XRCC5: variants seen among roughly 807,000 people sequenced by gnomAD.
XRCC5 encodes the protein DNA repair protein Ku80.
Under a neutral mutation model 95.7 loss-of-function variants are expected in XRCC5, and 12 were observed. The observed-to-expected ratio is 0.13, with a 90% CI of 0.08 to 0.20. XRCC5 has a LOEUF of 0.20. Ranked by LOEUF, XRCC5 falls within the 10% of genes least tolerant of loss-of-function variation. The probability of loss-of-function intolerance (pLI) is 1.00; values close to 1 mark genes in which losing one functional copy is unlikely to be tolerated. For missense variants in XRCC5, 595 were observed against 873.9 expected (o/e 0.68, Z 4.02); for synonymous variants, 281 against 290.3 (o/e 0.97, Z 0.33).
intron 14 of XRCC5, chr2:216,156,388 T>G: frequency 1.2e-6 from 1 of 803,334 alleles, no homozygotes; most frequent in Non-Finnish European, 2.2e-6. Context: ...CCCTTCAATT[T>G]AAGTGCTTGG....
chr2:216,127,738 G>A (rs1270754414), intron 8 of XRCC5, 64 bp downstream of exon 8: 3 of 1,482,474 alleles, frequency 2.0e-6, no homozygotes, highest in Admixed American at 2.3e-5. Flanking sequence ...TGTGATGCAG[G>A]CTGGGGTTTG....
Position 216,143,858 on chromosome 2 carries a change from C to A in XRCC5, c.1476+2539C>A, listed in dbSNP as rs145668989. Reference sequence around the variant, plus strand: ...AGTAGCTGGGACTACAGATGCCCGCCACCACGCCCGGCTAATTTTTTTTTT... The same window carrying A: ...AGTAGCTGGGACTACAGATGCCCGCAACCACGCCCGGCTAATTTTTTTTTT... On this transcript the variant is annotated intron_variant, in intron 13 of 20. Transcript: ENST00000392132. Among the ~76,000 whole-genome samples the A allele has an allele frequency of 7.5e-3, 1,113 of 149,166 alleles. 16 individuals carry two copies. The highest frequency in any genetic ancestry group is 0.026 in the African/African-American group (1,032 of 40,406).
chr2:216,121,521 A>G (rs1441631875), intron 5 of XRCC5, among the ~76,000 whole-genome samples: 2 of 152,176 alleles, frequency 1.3e-5, no homozygotes, highest in Non-Finnish European at 2.9e-5. Context: ...GAAGGACATA[A>G]AAGGCAAAAA....
chr2:216,165,451 C>T (rs1194956068), intron 16 of XRCC5, among the ~76,000 whole-genome samples: 2 of 152,208 alleles, frequency 1.3e-5, no homozygotes, highest in Non-Finnish European at 2.9e-5. Flanking sequence ...AACTAGTTCT[C>T]GTGATTTTAA....
chr2:216,120,494 G>A (rs1696783814), intron 5 of XRCC5, among the ~76,000 whole-genome samples: 1 of 152,126 alleles, frequency 6.6e-6, no homozygotes, highest in Admixed American at 6.5e-5. Flanking sequence ...ACTGTTTGGT[G>A]TATTCCATGT....
chr2:216,140,022 T>C (rs893532857), intron 12 of XRCC5, among the ~76,000 whole-genome samples: 6 of 152,244 alleles, frequency 3.9e-5, no homozygotes, highest in African/African-American at 1.2e-4. Context: ...TCTGGCCTCC[T>C]GCTACCTTGT....
chr2:216,139,808 C>T (rs923919467), intron 12 of XRCC5, among the ~76,000 whole-genome samples: 1 of 152,122 alleles, frequency 6.6e-6, no homozygotes, highest in African/African-American at 2.4e-5. Flanking sequence ...ACGTCCAGCC[C>T]AGAATATTTT....
chr2:216,193,069 C>T (rs1375000855), intron 18 of XRCC5, among the ~76,000 whole-genome samples: 1 of 152,198 alleles, frequency 6.6e-6, no homozygotes, highest in Non-Finnish European at 1.5e-5. Context: ...TTCTCAGATC[C>T]TTAGGCCATT....
intron 16 of XRCC5, among the ~76,000 whole-genome samples, chr2:216,180,237 T>C (rs960518133): frequency 2.6e-5 from 4 of 151,976 alleles, no homozygotes; most frequent in Non-Finnish European, 5.9e-5. Context: ...GTGGAAGGGG[T>C]AACTTAGATA....
At chr2:216,126,057 CAG>C in intron 7 of XRCC5, 26 bp downstream of exon 7, 1 of 1,552,716 alleles carries the variant, frequency 6.4e-7, no homozygotes, top group Non-Finnish European at 8.9e-7. Context: ...ACATTTTTAA[CAG>C]AAATGTTACC....
At chr2:216,156,227 G>A (rs989303655) in intron 14 of XRCC5, 2 of 463,892 alleles carry the variant, frequency 4.3e-6, no homozygotes, top group Non-Finnish European at 4.1e-6. Context: ...GATTCGTTGA[G>A]GCCATAGGTT....
Position 216,135,091 on chromosome 2 carries a change from GTTTTTTT to G in XRCC5, c.1114-1996_1114-1990del, listed in dbSNP as rs1237917264. Among the ~76,000 whole-genome samples, 19 of 52,022 alleles carry G rather than the reference GTTTTTTT, an allele frequency of 3.7e-4. No individual in the cohort carries two copies. The East Asian group carries it at 5.7e-3, about 16-fold the overall frequency. The allele number at this position is 52,022 out of a possible 152,430, so 34.1% of individuals were successfully genotyped here. On this transcript the variant is annotated intron_variant, in intron 10 of 20. Transcript: ENST00000392132. ...CTAATGGCCAGGTCTTGGGGTCATA[GTTTTTTT>G]GTTTGTTTGTTTGTTTGTTTTGTTT...
In XRCC5 at chr2:216,119,086, C is replaced by T; in HGVS notation, c.412C>T (p.Leu138Phe). 1.2e-6 allele frequency: 2 copies of T among 1,614,060 alleles called. No individual in the cohort carries two copies. Among genetic ancestry groups the T allele is most frequent in the Non-Finnish European group, 1.7e-6 (2 of 1,179,958 alleles). ...EKRHIEIFTD[L>F]SSRFSKSQLD... ...GAGGCATATTGAAATATTCACTGAC[C>T]TCAGCAGCCGATTCAGCAAAAGTCA... The change falls in exon 5 of 21, where the codon CTC becomes TTC. Residue 138 changes from leucine (L) to phenylalanine (F), a missense_variant. Physicochemically the swap from Leu to Phe is conservative, Grantham distance 22 (BLOSUM62 0). This residue lies in a region of XRCC5 where 286 missense variants were observed against 491.1 expected (regional missense o/e 0.58). Transcript: ENST00000392132.
At chr2:216,141,836 T>G (rs1697177597) in intron 13 of XRCC5, among the ~76,000 whole-genome samples, 1 of 152,034 alleles carries the variant, frequency 6.6e-6, no homozygotes, top group African/African-American at 2.4e-5. Flanking sequence ...GTGCATCACT[T>G]GAGGTCAGGA....
chr2:216,203,496 C>G (rs1374986286), intron 19 of XRCC5, among the ~76,000 whole-genome samples: 1 of 151,974 alleles, frequency 6.6e-6, no homozygotes, highest in Non-Finnish European at 1.5e-5. Context: ...CTTGGAGGGA[C>G]AGGATGGAAA....
chr2:216,138,352 G>A (rs1697122472), intron 12 of XRCC5, among the ~76,000 whole-genome samples, 173 bp downstream of exon 12: 1 of 152,186 alleles, frequency 6.6e-6, no homozygotes, highest in South Asian at 2.1e-4. Flanking sequence ...TGTTTTTCCA[G>A]TAGTAGGGAT....
chr2:216,186,705 C>T (rs960626015), intron 16 of XRCC5, among the ~76,000 whole-genome samples: 7 of 152,028 alleles, frequency 4.6e-5, no homozygotes, highest in African/African-American at 1.2e-4. Context: ...TAACTAATTT[C>T]GAAAAGCATT....
intron 2 of XRCC5, among the ~76,000 whole-genome samples, chr2:216,113,547 A>T (rs767087189): frequency 6.6e-6 from 1 of 152,210 alleles, no homozygotes; most frequent in African/African-American, 2.4e-5. Context: ...GTCTCAAGTA[A>T]CATTTTAAAA....
At chr2:216,142,337 G>A (rs1697185689) in intron 13 of XRCC5, among the ~76,000 whole-genome samples, 1 of 152,106 alleles carries the variant, frequency 6.6e-6, no homozygotes, top group South Asian at 2.1e-4. Flanking sequence ...AGGGAGCATA[G>A]GGGTCAGATA....
Sources: allele counts gnomAD v4.1 joint callset (sites outside exome capture counted in the v4.1 genomes callset), GRCh38; gene constraint gnomAD v4.1.1; regional missense constraint gnomAD v4.1.1; transcripts MANE v1.5; gene names NCBI Gene and HGNC (gene_info 2026-07-23, HGNC 2026-07-21).